FBXL19: variants seen among roughly 807,000 people sequenced by gnomAD.
FBXL19 encodes F-box/LRR-repeat protein 19.
FBXL19 carries 16 observed loss-of-function variants against 71.2 expected under a neutral mutation model. The observed-to-expected ratio is 0.22, with a 90% confidence interval of 0.15 to 0.34. The LOEUF (loss-of-function observed/expected upper bound fraction) is 0.34. FBXL19 is among the 10% of genes least tolerant of loss of function. The pLI is 1.00. For synonymous variants in FBXL19, 447 were observed against 409.4 expected, an observed-to-expected ratio of 1.09 and a Z score of -1.11; for missense variants, 658 against 968.2, an observed-to-expected ratio of 0.68 and a Z score of 4.25.
At chr16:30,936,610 T>C (rs1446089266) in intron 7 of FBXL19, among the ~76,000 whole-genome samples, 5 of 148,148 alleles carry the variant, frequency 3.4e-5, no homozygotes, top group Admixed American at 1.3e-4. Context: ...TCTTTTTTTT[T>C]TTTTTTTTTT....
At position 30,948,275 on chromosome 16, in the gene FBXL19, A is replaced by G. The variant is rs1233974957; in HGVS notation, c.*1045A>G. The G allele has an allele frequency of 6.5e-6, 1 of 153,750 alleles. No homozygotes were observed. The highest frequency in any genetic ancestry group is 2.4e-5 in the African/African-American group (1 of 41,460). 9.5% of individuals were successfully genotyped at this position (153,750 alleles called of 1,614,324 possible). A position where few individuals can be genotyped will look rare whatever the true frequency, so the allele number is the denominator to read the frequency against. On this transcript the variant is annotated 3_prime_UTR_variant, in exon 11 of 11. Coordinates refer to ENST00000338343, the MANE Select transcript of FBXL19 (RefSeq NM_001382779.1). ...TGGCTCTTCCCACTCTTTCATCGTC[A>G]TGGAAACTTGTATCCCATTTGCCCA...
intron 7 of FBXL19, among the ~76,000 whole-genome samples, chr16:30,939,303 C>T (rs2055773677): frequency 6.6e-6 from 1 of 151,072 alleles, no homozygotes; most frequent in Non-Finnish European, 1.5e-5. Context: ...AATCTCCTGA[C>T]CTCGTGATCT....
At chr16:30,943,625 C>T (rs2055826180) in intron 9 of FBXL19, among the ~76,000 whole-genome samples, 1 of 152,030 alleles carries the variant, frequency 6.6e-6, no homozygotes, top group Admixed American at 6.6e-5. Flanking sequence ...CCGCCTGCCT[C>T]GGCCTCCCAA....
In FBXL19 at chr16:30,946,365, G is replaced by C. The variant is rs996589344; in HGVS notation, c.1628-365G>C. Among the ~76,000 whole-genome samples the C allele has an allele frequency of 6.6e-6, 1 of 152,046 alleles. No individual in the cohort carries two copies. Among genetic ancestry groups the C allele is most frequent in the African/African-American group, 2.4e-5 (1 of 41,390 alleles). On this transcript the variant is annotated intron_variant, in intron 9 of 10. Transcript: ENST00000338343. This position sits in a 1 kb window ranked among gnomAD's most constrained non-coding sequence, Gnocchi z 6.7. ...ATTACAGGCGCCTGCCACCATACCC[G>C]GCTAATTTTTGTATGTTGAGTAGAG...
At chr16:30,945,340 C>T (rs1434243686) in intron 9 of FBXL19, among the ~76,000 whole-genome samples, 1 of 152,010 alleles carries the variant, frequency 6.6e-6, no homozygotes, top group African/African-American at 2.4e-5. Flanking sequence ...CCAGCAGCAT[C>T]CACAAAACTG....
Position 30,942,302 on chromosome 16 carries a change from CAG to C in FBXL19, c.1465+24_1465+25del, listed in dbSNP as rs751622940. On this transcript the variant is annotated intron_variant, in intron 8 of 10. Transcript: ENST00000338343. The surrounding 1 kb of genome is among the most constrained non-coding windows in gnomAD (Gnocchi z 5.7). ...AAGGTAGGGTGTGTGGTACGGAGGA[CAG>C]GGTGGGGACAGGGACAGGCCTGGGA... The C allele has an allele frequency of 1.3e-6, 2 of 1,597,962 alleles. No homozygotes were observed. Among genetic ancestry groups the C allele is most frequent in the Non-Finnish European group, 8.5e-7 (1 of 1,170,530 alleles).
At chr16:30,939,416 T>G (rs1486270552) in intron 7 of FBXL19, among the ~76,000 whole-genome samples, 1 of 148,822 alleles carries the variant, frequency 6.7e-6, no homozygotes, top group Non-Finnish European at 1.5e-5. Context: ...GGGGTTTTTT[T>G]TTTTGTTTTT....
intron 3 of FBXL19, 40 bp downstream of exon 3, chr16:30,927,491 T>C (rs1309522403): frequency 9.6e-6 from 15 of 1,567,048 alleles, no homozygotes; most frequent in South Asian, 8.2e-5. Flanking sequence ...GTGGGGCAGA[T>C]TGTCAGGGAG....
intron 7 of FBXL19, among the ~76,000 whole-genome samples, chr16:30,935,778 A>G (rs1212676898): frequency 6.6e-6 from 1 of 152,092 alleles, no homozygotes; most frequent in Admixed American, 6.6e-5. Flanking sequence ...GAGGGTTTGC[A>G]GGTCGGCCTA....
chr16:30,938,457 G>C (rs2055761654), intron 7 of FBXL19, among the ~76,000 whole-genome samples: 1 of 152,148 alleles, frequency 6.6e-6, no homozygotes, highest in Admixed American at 6.5e-5. Context: ...AGTGAGCTAT[G>C]ATTGCATCAC....
chr16:30,926,955 C>A (rs1330735314), intron 2 of FBXL19, among the ~76,000 whole-genome samples: 1 of 152,170 alleles, frequency 6.6e-6, no homozygotes, highest in African/African-American at 2.4e-5. Context: ...TGTTACTGTC[C>A]TCCTCTCCAA....
Position 30,930,719 on chromosome 16 carries a change from G to T in FBXL19, c.1301+135G>T. On this transcript the variant is annotated intron_variant, in intron 7 of 10. Coordinates refer to ENST00000338343, the MANE Select transcript of FBXL19 (RefSeq NM_001382779.1). The surrounding 1 kb of genome is among the most constrained non-coding windows in gnomAD (Gnocchi z 8.5). ...ACTTCTCTAGTATGCACAGATTACA[G>T]TGCATCCTTCCGTATTTCCCGTGTG... The T allele has an allele frequency of 4.2e-6, 4 of 949,368 alleles. No homozygotes were observed. Among genetic ancestry groups the T allele is most frequent in the Non-Finnish European group, 5.6e-6 (4 of 712,492 alleles). 58.8% of individuals were successfully genotyped at this position (949,368 alleles called of 1,614,324 possible).
At chr16:30,923,489 G>A (rs1297363972), upstream of FBXL19, among the ~76,000 whole-genome samples, 2 of 150,334 alleles carry the variant, frequency 1.3e-5, no homozygotes, top group African/African-American at 2.4e-5. Flanking sequence ...GAAGGGGGCG[G>A]GGTTCCTCTG....
chr16:30,938,890 C>T (rs913601723), intron 7 of FBXL19, among the ~76,000 whole-genome samples: 5 of 151,912 alleles, frequency 3.3e-5, no homozygotes, highest in Non-Finnish European at 5.9e-5. Context: ...CCTGCCTCGG[C>T]CTCCCAAAGT....
At chr16:30,935,543 A>G (rs2055722935) in intron 7 of FBXL19, among the ~76,000 whole-genome samples, 1 of 152,164 alleles carries the variant, frequency 6.6e-6, no homozygotes, top group South Asian at 2.1e-4. Context: ...GACAGAGAGA[A>G]GGCAGCAAGG....
Position 30,927,971 on chromosome 16 carries a change from A to G in FBXL19, c.627+8A>G. On this transcript the variant is annotated splice_region_variant and intron_variant, in intron 5 of 10. Transcript: ENST00000338343. ...CCCACCCCAAGGAAAAAGGTGAGCC[A>G]CGGAGCACGCTCACTAGGCTTGTCC... 6.7e-7 allele frequency: 1 copy of G among 1,486,458 alleles called. No individual in the cohort carries two copies. The highest frequency in any genetic ancestry group is 8.9e-7 in the Non-Finnish European group (1 of 1,121,932). 92.1% of individuals were successfully genotyped at this position (1,486,458 alleles called of 1,614,324 possible).
Position 30,946,689 on chromosome 16 carries a change from G to A in FBXL19, c.1628-41G>A, listed in dbSNP as rs747222095. On this transcript the variant is annotated intron_variant, in intron 9 of 10. Transcript: ENST00000338343. This position sits in a 1 kb window ranked among gnomAD's most constrained non-coding sequence, Gnocchi z 6.7. Reference sequence around the variant, plus strand: ...GGTCTGGATACCTGGGCGCAGGGATGGGAGTGGCCAGGAGTGCTGACCTCT... The same window carrying A: ...GGTCTGGATACCTGGGCGCAGGGATAGGAGTGGCCAGGAGTGCTGACCTCT... 1 of 1,568,198 alleles carries A rather than the reference G, an allele frequency of 6.4e-7. No homozygotes were observed. Among genetic ancestry groups the A allele is most frequent in the East Asian group, 2.3e-5 (1 of 43,380 alleles).
In FBXL19 at chr16:30,946,082, G is replaced by T. The variant is rs1337654243; in HGVS notation, c.1628-648G>T. On this transcript the variant is annotated intron_variant, in intron 9 of 10. Coordinates refer to ENST00000338343, the MANE Select transcript of FBXL19 (RefSeq NM_001382779.1). The surrounding 1 kb of genome is among the most constrained non-coding windows in gnomAD (Gnocchi z 6.7). ...AAGCTGTACAGGAAGTATCGTGCCTGCGTCTGCTCAGCTTCTGGGGAAGCC... is the reference window on the plus strand; with the variant it reads ...AAGCTGTACAGGAAGTATCGTGCCTTCGTCTGCTCAGCTTCTGGGGAAGCC... 1.3e-5 allele frequency among the ~76,000 whole-genome samples: 2 copies of T among 152,168 alleles called. No homozygotes were observed. Among genetic ancestry groups the T allele is most frequent in the African/African-American group, 4.8e-5 (2 of 41,432 alleles).
Position 30,930,336 on chromosome 16 carries a change from G to T in FBXL19, c.1053G>T (p.Arg351=), listed in dbSNP as rs769344758. The part of the protein sequence containing the change: ...SGEKENRGGR[R]AVRPGSGGPL... The stretch of plus-strand genomic sequence containing the variant: ...AGAAGGAGAACCGTGGGGGGCGGCG[G>T]GCTGTGCGCCCTGGCAGTGGGGGGC... Residue 351 remains arginine (R), a synonymous_variant, in exon 7 of 11, where the codon CGG becomes CGT. Transcript: ENST00000338343. The surrounding 1 kb of genome is among the most constrained non-coding windows in gnomAD (Gnocchi z 8.5). The T allele has an allele frequency of 6.3e-7, 1 of 1,595,438 alleles. No individual in the cohort carries two copies. The highest frequency in any genetic ancestry group is 1.1e-5 in the South Asian group (1 of 90,042).
Sources: gnomAD v4.1 joint callset for allele counts (sites outside exome capture counted in the v4.1 genomes callset) on GRCh38, gnomAD v4.1.1 for gene constraint, Gnocchi (gnomAD v3.1) non-coding constraint, MANE v1.5 for transcripts, NCBI Gene and HGNC (gene_info 2026-07-23, HGNC 2026-07-21) for gene names.